The following PHACTR3 variants were observed in gnomAD, a reference collection of about 807,000 sequenced individuals.
The protein encoded by PHACTR3 is phosphatase and actin regulator 3, also known as protein phosphatase 1, regulatory subunit 123.
PHACTR3 carries 16 observed loss-of-function variants against 66.8 expected under a neutral mutation model. The ratio of observed to expected loss-of-function variants is 0.24; its 90% CI spans 0.16 to 0.36. The LOEUF is 0.36. Among genes scored for constraint, PHACTR3 ranks in the 10% least tolerant of loss-of-function variants. The probability of loss-of-function intolerance (pLI) is 1.00; values close to 1 mark genes in which losing one functional copy is unlikely to be tolerated. For synonymous variants in PHACTR3, 323 were observed against 292.1 expected (o/e 1.11, Z -1.08); for missense variants, 647 against 719.9 (o/e 0.90, Z 1.16).
At chr20:59,706,816 G>T (rs1344348637) in intron 1 of PHACTR3, among the ~76,000 whole-genome samples, 3 of 152,136 alleles carry the variant, frequency 2.0e-5, no homozygotes, top group Non-Finnish European at 4.4e-5. Context: ...TGCCCAGCCT[G>T]GTTCCCTGGG....
rs756735750 is a variant in PHACTR3 at position 59,829,609 on chromosome 20, C to T, written c.1329-6896C>T. The stretch of plus-strand genomic sequence containing the variant: ...TGAATGGTGTGTGGAGACGCTGCCT[C>T]GCTGGGGAATCCCATCTCCAGGCGG... On this transcript the variant is annotated intron_variant, in intron 8 of 12. Transcript: ENST00000371015. The surrounding 1 kb of genome is among the most constrained non-coding windows in gnomAD (Gnocchi z 4.2). Among the ~76,000 whole-genome samples, 2 of 151,964 alleles carry T rather than the reference C, an allele frequency of 1.3e-5. No individual in the cohort carries two copies. Among genetic ancestry groups the T allele is most frequent in the Non-Finnish European group, 2.9e-5 (2 of 67,970 alleles).
At chr20:59,578,897 G>A (rs1335709327) in intron 1 of PHACTR3, among the ~76,000 whole-genome samples, 1 of 152,192 alleles carries the variant, frequency 6.6e-6, no homozygotes, top group Admixed American at 6.5e-5. Flanking sequence ...CCACTCATCA[G>A]GAATATTGAG....
At chr20:59,752,807 T>C (rs1473057007) in intron 3 of PHACTR3, among the ~76,000 whole-genome samples, 1 of 152,120 alleles carries the variant, frequency 6.6e-6, no homozygotes, top group Non-Finnish European at 1.5e-5. Context: ...TAACTGCAAG[T>C]GGTGGGTGGC....
intron 1 of PHACTR3, among the ~76,000 whole-genome samples, chr20:59,635,583 A>G (rs920647331): frequency 6.6e-6 from 1 of 152,168 alleles, no homozygotes; most frequent in African/African-American, 2.4e-5. Context: ...ATCTGTAAAT[A>G]TAAAAATTGA....
chr20:59,722,334 T>C (rs564156362), intron 1 of PHACTR3, among the ~76,000 whole-genome samples: 9 of 152,208 alleles, frequency 5.9e-5, no homozygotes, highest in African/African-American at 1.9e-4. Flanking sequence ...GCAGTGGGCA[T>C]TCAGGGGTGA....
At chr20:59,625,524 A>T (rs2034415683) in intron 1 of PHACTR3, among the ~76,000 whole-genome samples, 1 of 152,190 alleles carries the variant, frequency 6.6e-6, no homozygotes, top group African/African-American at 2.4e-5. Context: ...TGTTAAAATT[A>T]AGAGATATCA....
intron 1 of PHACTR3, among the ~76,000 whole-genome samples, chr20:59,586,838 C>A (rs547304688): frequency 1.3e-5 from 2 of 152,216 alleles, no homozygotes; most frequent in South Asian, 4.2e-4. Flanking sequence ...GTGAGGAAAA[C>A]CGAGGCTGAA....
intron 1 of PHACTR3, among the ~76,000 whole-genome samples, chr20:59,722,135 G>A (rs1388550189): frequency 1.3e-5 from 2 of 152,184 alleles, no homozygotes; most frequent in Admixed American, 6.5e-5. Flanking sequence ...GGGAGGCTGA[G>A]GCAGGAGAAT....
At chr20:59,674,057 C>T (rs1323725708) in intron 1 of PHACTR3, among the ~76,000 whole-genome samples, 2 of 152,056 alleles carry the variant, frequency 1.3e-5, no homozygotes, top group Non-Finnish European at 2.9e-5. Context: ...GCTGAGATTT[C>T]GGTTTTTTGT....
At chr20:59,620,429 C>T (rs1201039363) in intron 1 of PHACTR3, among the ~76,000 whole-genome samples, 6 of 152,226 alleles carry the variant, frequency 3.9e-5, no homozygotes, top group African/African-American at 1.2e-4. Flanking sequence ...ACGTGGCACG[C>T]GGCCAGCATG....
At chr20:59,792,582 A>G (rs1281675436) in intron 7 of PHACTR3, among the ~76,000 whole-genome samples, 2 of 152,216 alleles carry the variant, frequency 1.3e-5, no homozygotes, top group East Asian at 1.9e-4. Flanking sequence ...CAGACTTAGC[A>G]GAGAGTTAGA....
chr20:59,682,836 C>T (rs915685285), intron 1 of PHACTR3, among the ~76,000 whole-genome samples: 2 of 152,052 alleles, frequency 1.3e-5, no homozygotes, highest in African/African-American at 4.8e-5. Flanking sequence ...CATGAGATTG[C>T]TGGGGAGGGA....
At chr20:59,674,622 CTGTCCCCG>C (rs1206720757) in intron 1 of PHACTR3, among the ~76,000 whole-genome samples, 1 of 88,784 alleles carries the variant, frequency 1.1e-5, no homozygotes, top group Admixed American at 1.2e-4. Context: ...CCCCCTTCTC[CTGTCCCCG>C]CTTCTCCTGT....
rs957698869 is a variant in PHACTR3, at chr20:59,747,746, T to C, written c.281-12T>C. On this transcript the variant is annotated splice_polypyrimidine_tract_variant and intron_variant, in intron 2 of 12. Coordinates refer to ENST00000371015, the MANE Select transcript of PHACTR3 (RefSeq NM_080672.5). ...TGCCTGAGACTCACCTGTGTGTTTG[T>C]GTGTTGGGCAGCGCTGGAGAAGAAG... 20 of 1,613,060 alleles carry C rather than the reference T, an allele frequency of 1.2e-5. No homozygotes were observed. Among genetic ancestry groups the C allele is most frequent in the Non-Finnish European group, 1.5e-5 (18 of 1,179,628 alleles).
chr20:59,821,809 G>A (rs1186816368), intron 8 of PHACTR3, among the ~76,000 whole-genome samples: 1 of 151,972 alleles, frequency 6.6e-6, no homozygotes, highest in Non-Finnish European at 1.5e-5. Flanking sequence ...GGAGAGCACC[G>A]CCGGGGAATT....
chr20:59,821,254 A>G (rs2042022163), intron 8 of PHACTR3, among the ~76,000 whole-genome samples: 1 of 152,170 alleles, frequency 6.6e-6, no homozygotes, highest in Admixed American at 6.5e-5. Context: ...ACCGCACGTT[A>G]GAGCCACCCC....
At chr20:59,778,770 G>A in intron 7 of PHACTR3, among the ~76,000 whole-genome samples, 1 of 152,200 alleles carries the variant, frequency 6.6e-6, no homozygotes, top group East Asian at 1.9e-4. Flanking sequence ...CAGGTGCCAG[G>A]TCCAGGGAGC....
chr20:59,661,453 G>C (rs2035802703), intron 1 of PHACTR3, among the ~76,000 whole-genome samples: 1 of 152,104 alleles, frequency 6.6e-6, no homozygotes, highest in South Asian at 2.1e-4. Flanking sequence ...ACAGCCCTAG[G>C]AGACTCACAT....
intron 1 of PHACTR3, among the ~76,000 whole-genome samples, chr20:59,733,193 G>A (rs777525500): frequency 7.9e-5 from 12 of 151,708 alleles, no homozygotes; most frequent in Non-Finnish European, 1.5e-4. Context: ...TTTGTCCTTG[G>A]ATGGTATGAC....
Sources: gnomAD v4.1 joint callset for allele counts (sites outside exome capture counted in the v4.1 genomes callset) on GRCh38, gnomAD v4.1.1 for gene constraint, Gnocchi (gnomAD v3.1) non-coding constraint, MANE v1.5 for transcripts, NCBI Gene and HGNC (gene_info 2026-07-23, HGNC 2026-07-21) for gene names.